TFDP2: variants seen among roughly 807,000 people sequenced by gnomAD.
TFDP2 encodes the protein transcription factor Dp-2.
In TFDP2, 17 loss-of-function variants were observed where a neutral mutation model predicts 59.3. The ratio of observed to expected loss-of-function variants is 0.29; its 90% CI spans 0.20 to 0.43. TFDP2 has a LOEUF of 0.43. TFDP2 is among the 20% of genes least tolerant of loss of function. The pLI, the probability that TFDP2 is intolerant of heterozygous loss-of-function variation, is 1.00. For missense variants in TFDP2, 391 were observed against 528.8 expected (o/e 0.74, Z 2.56); for synonymous variants, 180 against 194.7 (o/e 0.92, Z 0.63).
intron 3 of TFDP2, among the ~76,000 whole-genome samples, chr3:142,031,620 C>G (rs1285765652): frequency 6.6e-6 from 1 of 152,182 alleles, no homozygotes; most frequent in Admixed American, 6.5e-5. Context: ...ACAATTTCTC[C>G]TTAATCTTAT....
intron 7 of TFDP2, among the ~76,000 whole-genome samples, chr3:141,975,256 T>C (rs1206890812): frequency 6.6e-6 from 1 of 152,040 alleles, no homozygotes; most frequent in Non-Finnish European, 1.5e-5. Context: ...AAGGAAACCA[T>C]GTTGGTTTAC....
At chr3:142,057,800 G>T (rs2059792103) in intron 3 of TFDP2, among the ~76,000 whole-genome samples, 1 of 152,112 alleles carries the variant, frequency 6.6e-6, no homozygotes, top group Admixed American at 6.6e-5. Flanking sequence ...GGAGACGCTA[G>T]AAGTTTTCCT....
intron 1 of TFDP2, among the ~76,000 whole-genome samples, chr3:142,140,704 C>A (rs951988337): frequency 6.6e-6 from 1 of 152,202 alleles, no homozygotes; most frequent in African/African-American, 2.4e-5. Flanking sequence ...GGCTGCAGAA[C>A]AGCAAATATT....
intron 9 of TFDP2, 63 bp from the exon 10 acceptor site, chr3:141,964,026 T>C: frequency 6.8e-7 from 1 of 1,467,314 alleles, no homozygotes; most frequent in South Asian, 1.3e-5. Flanking sequence ...TTTAAAAGAA[T>C]TAAGATAATA....
intron 1 of TFDP2, among the ~76,000 whole-genome samples, chr3:142,117,109 C>T (rs1357449259): frequency 6.6e-6 from 1 of 151,980 alleles, no homozygotes; most frequent in Non-Finnish European, 1.5e-5. Context: ...TTAGTAGAGA[C>T]GAGGTTGCAC....
At chr3:141,958,481 T>C (rs527711641) in intron 11 of TFDP2, among the ~76,000 whole-genome samples, 2 of 152,264 alleles carry the variant, frequency 1.3e-5, no homozygotes, top group East Asian at 3.9e-4. Flanking sequence ...TTTTGGTTTA[T>C]CTCTAAAGAA....
At chr3:142,015,624 T>TG (rs1945073746) in intron 3 of TFDP2, among the ~76,000 whole-genome samples, 1 of 152,196 alleles carries the variant, frequency 6.6e-6, no homozygotes, top group African/African-American at 2.4e-5. Context: ...ACATCTTGGC[T>TG]TCAATTACTG....
chr3:142,101,561 C>A (rs1282201599), intron 2 of TFDP2, among the ~76,000 whole-genome samples, 174 bp downstream of exon 2: 1 of 152,076 alleles, frequency 6.6e-6, no homozygotes, highest in Non-Finnish European at 1.5e-5. Context: ...CATTAGGGCA[C>A]CATATTCAAT....
rs148186703 is a variant in TFDP2, at chr3:142,028,522, T to C, written c.83-22978A>G. On this transcript the variant is annotated intron_variant, in intron 3 of 12. Coordinates refer to ENST00000489671, the MANE Select transcript of TFDP2 (RefSeq NM_001178139.2). Reference sequence around the variant, plus strand: ...TAATATTGCTGCTGCTTAAAGAATATAAAATAAGAGCTGTAAAAACTCACC... The same window carrying C: ...TAATATTGCTGCTGCTTAAAGAATACAAAATAAGAGCTGTAAAAACTCACC... The C allele has an allele frequency of 1.0e-5, 10 of 976,468 alleles. No homozygotes were observed. The African/African-American group carries it at 1.6e-4, about 16-fold the overall frequency. The allele number at this position is 976,468 out of a possible 1,614,324, so 60.5% of individuals were successfully genotyped here.
At chr3:142,070,093 G>C (rs987369376) in intron 3 of TFDP2, among the ~76,000 whole-genome samples, 2 of 151,606 alleles carry the variant, frequency 1.3e-5, no homozygotes, top group Non-Finnish European at 2.9e-5. Flanking sequence ...TTTTAGTAGA[G>C]ACAGGGTTTC....
chr3:142,086,224 TAACA>T (rs2060807375), intron 3 of TFDP2, among the ~76,000 whole-genome samples: 1 of 152,210 alleles, frequency 6.6e-6, no homozygotes, highest in Admixed American at 6.5e-5. Flanking sequence ...GTACACCATT[TAACA>T]CAAAACACTG....
chr3:142,139,714 T>C (rs1374922307), intron 1 of TFDP2, among the ~76,000 whole-genome samples: 3 of 152,238 alleles, frequency 2.0e-5, no homozygotes, highest in Non-Finnish European at 2.9e-5. Flanking sequence ...TTCTGGCTTG[T>C]AGGGTTTCTG....
In TFDP2 at chr3:141,970,313, A is replaced by G. The variant is rs563884600; in HGVS notation, c.664-172T>C. Among the ~76,000 whole-genome samples, 6 of 152,336 alleles carry G rather than the reference A, an allele frequency of 3.9e-5. No individual in the cohort carries two copies. The South Asian group carries it at 1.2e-3, about 32-fold the overall frequency. ...GTAGGGGGCAGGGGCTGGAGTGAAC[A>G]AGTAGACACAACATCAGATCTGTGG... On this transcript the variant is annotated intron_variant, in intron 8 of 12. Coordinates refer to ENST00000489671, the MANE Select transcript of TFDP2 (RefSeq NM_001178139.2).
At chr3:142,046,120 CCT>C (rs1402873491) in intron 3 of TFDP2, among the ~76,000 whole-genome samples, 1 of 152,076 alleles carries the variant, frequency 6.6e-6, no homozygotes, top group African/African-American at 2.4e-5. Flanking sequence ...GTAGGGATCC[CCT>C]GATTTACTAT....
At chr3:142,042,625 CTTTTCTTTT>C (rs1219743253) in intron 3 of TFDP2, among the ~76,000 whole-genome samples, 9 of 70,606 alleles carry the variant, frequency 1.3e-4, no homozygotes, top group African/African-American at 4.4e-4. Flanking sequence ...CTTTTCTTTT[CTTTTCTTTT>C]TTTTTTTTTT....
chr3:142,081,190 A>C (rs1159510008), intron 3 of TFDP2, among the ~76,000 whole-genome samples: 1 of 152,206 alleles, frequency 6.6e-6, no homozygotes, highest in Non-Finnish European at 1.5e-5. Flanking sequence ...GAATTCTAGA[A>C]ACTGTACAAA....
At chr3:142,101,587 C>T (rs1270976266) in intron 2 of TFDP2, 148 bp downstream of exon 2, 20 of 514,884 alleles carry the variant, frequency 3.9e-5, no homozygotes, top group Non-Finnish European at 6.5e-5. Context: ...TAAAGCTTAT[C>T]TCATATTCTG....
chr3:141,956,670 T>C (rs1211957698), intron 11 of TFDP2, among the ~76,000 whole-genome samples: 1 of 151,204 alleles, frequency 6.6e-6, no homozygotes, highest in Admixed American at 6.6e-5. Flanking sequence ...AAAATCACAG[T>C]GGGAGCCAAG....
At chr3:142,005,384 TTTAAA>T in intron 4 of TFDP2, 52 bp downstream of exon 4, 20 of 1,372,276 alleles carry the variant, frequency 1.5e-5, no homozygotes, top group Non-Finnish European at 1.9e-5. Context: ...GCAATTATTC[TTTAAA>T]TTAGTCTTGG....
Sources: gnomAD v4.1 joint callset for allele counts (sites outside exome capture counted in the v4.1 genomes callset) on GRCh38, gnomAD v4.1.1 for gene constraint, MANE v1.5 for transcripts, NCBI Gene and HGNC (gene_info 2026-07-23, HGNC 2026-07-21) for gene names.